The following ALDH1A2 variants were observed in gnomAD, a reference collection of about 807,000 sequenced individuals.
ALDH1A2 encodes aldehyde dehydrogenase 1 family member A2.
Under a neutral mutation model 60.3 loss-of-function variants are expected in ALDH1A2, and 27 were observed. The observed-to-expected ratio is 0.45, with a 90% CI of 0.33 to 0.62. ALDH1A2 has a LOEUF of 0.62. Among genes scored for constraint, ALDH1A2 ranks in the 20% least tolerant of loss-of-function variants. The pLI, the probability that ALDH1A2 is intolerant of heterozygous loss-of-function variation, is 0.02. For synonymous variants in ALDH1A2, 289 were observed against 232.4 expected (o/e 1.24, Z -2.21); for missense variants, 581 against 643.8 (o/e 0.90, Z 1.06).
chr15:58,014,459 T>C (rs1313121047), intron 1 of ALDH1A2, 178 bp from the exon 2 acceptor site: 1 of 667,314 alleles, frequency 1.5e-6, no homozygotes, highest in Admixed American at 2.1e-5. Context: ...TCCTCTATAT[T>C]TTTGCTTTAA....
At chr15:58,031,328 C>G (rs941183222) in intron 1 of ALDH1A2, among the ~76,000 whole-genome samples, 1 of 152,208 alleles carries the variant, frequency 6.6e-6, no homozygotes, top group African/African-American at 2.4e-5. Context: ...AAAGCTGACA[C>G]TGGATCCCTT....
rs184015412 is a variant in ALDH1A2 at position 58,021,634 on chromosome 15, C to A, written c.118-7353G>T. Among the ~76,000 whole-genome samples the A allele has an allele frequency of 3.1e-3, 473 of 152,346 alleles. 2 individuals carry two copies. Among genetic ancestry groups the A allele is most frequent in the South Asian group, 7.7e-3 (37 of 4,830 alleles). On this transcript the variant is annotated intron_variant, in intron 1 of 12. Coordinates refer to ENST00000249750, the MANE Select transcript of ALDH1A2 (RefSeq NM_003888.4). ...CCCCACATCCTTTCTGAGACCTAAG[C>A]AGCTACAGCAAGGCATCATTTCCAA...
intron 12 of ALDH1A2, among the ~76,000 whole-genome samples, chr15:57,958,462 G>T (rs1794595535): frequency 6.6e-6 from 1 of 152,166 alleles, no homozygotes; most frequent in South Asian, 2.1e-4. Context: ...CCTGAGAAAA[G>T]CTCGTCTCTG....
At chr15:58,059,835 T>C (rs367942278) in intron 1 of ALDH1A2, among the ~76,000 whole-genome samples, 12 of 152,128 alleles carry the variant, frequency 7.9e-5, no homozygotes, top group African/African-American at 2.9e-4. Context: ...ACCCAGAATA[T>C]TGAACTCTTA....
At chr15:58,047,717 A>AG (rs1896669752) in intron 1 of ALDH1A2, among the ~76,000 whole-genome samples, 2 of 152,098 alleles carry the variant, frequency 1.3e-5, no homozygotes, top group Non-Finnish European at 2.9e-5. Context: ...TCATTTAGAG[A>AG]GGGGGAAAAA....
At chr15:57,975,492 C>T (rs1270682667) in intron 7 of ALDH1A2, among the ~76,000 whole-genome samples, 1 of 152,146 alleles carries the variant, frequency 6.6e-6, no homozygotes, top group Non-Finnish European at 1.5e-5. Flanking sequence ...CAGTTGAGCA[C>T]CCCGATCTGG....
intron 1 of ALDH1A2, among the ~76,000 whole-genome samples, chr15:58,061,348 C>G (rs4646560): frequency 0.47 from 71,689 of 151,066 alleles, 17,459 homozygotes; most frequent in Non-Finnish European, 0.54. Flanking sequence ...AACAGACAAT[C>G]TTAAGTAAAG....
At chr15:58,023,658 GAAA>G (rs57467358) in intron 1 of ALDH1A2, among the ~76,000 whole-genome samples, 2 of 129,426 alleles carry the variant, frequency 1.5e-5, no homozygotes, top group Non-Finnish European at 3.2e-5. Flanking sequence ...AAAGTGCTGG[GAAA>G]AAAAAAAAAG....
intron 7 of ALDH1A2, among the ~76,000 whole-genome samples, chr15:57,974,249 T>A (rs1360532467): frequency 1.3e-5 from 2 of 151,796 alleles, no homozygotes; most frequent in Non-Finnish European, 2.9e-5. Flanking sequence ...CTGGCTAACA[T>A]GGTGAAACCC....
chr15:57,994,821 T>C (rs1894998676), intron 5 of ALDH1A2, among the ~76,000 whole-genome samples: 1 of 152,144 alleles, frequency 6.6e-6, no homozygotes, highest in African/African-American at 2.4e-5. Context: ...AGGTTATTAA[T>C]ACACTGTGCT....
intron 7 of ALDH1A2, 100 bp downstream of exon 7, chr15:57,992,605 C>A: frequency 1.8e-6 from 2 of 1,103,442 alleles, no homozygotes; most frequent in Non-Finnish European, 2.7e-6. Flanking sequence ...ACTCACTGCC[C>A]TTTTGGTGTC....
intron 4 of ALDH1A2, among the ~76,000 whole-genome samples, chr15:58,001,850 T>C (rs535540290): frequency 4.0e-4 from 61 of 151,988 alleles, no homozygotes; most frequent in Admixed American, 1.1e-3. Context: ...AAAAAAGGAC[T>C]GCATTTGATG....
intron 1 of ALDH1A2, among the ~76,000 whole-genome samples, chr15:58,042,796 C>T (rs1220070090): frequency 6.6e-6 from 1 of 151,824 alleles, no homozygotes; most frequent in Non-Finnish European, 1.5e-5. Context: ...CTGCTAAAGC[C>T]CTTGCAAATG....
intron 4 of ALDH1A2, among the ~76,000 whole-genome samples, chr15:58,005,613 T>C (rs917600410): frequency 1.3e-5 from 2 of 151,982 alleles, no homozygotes; most frequent in Non-Finnish European, 2.9e-5. Context: ...TTCCCATTCT[T>C]TTTGGTTGTT....
At chr15:58,009,537 GC>G (rs1895562329) in intron 4 of ALDH1A2, among the ~76,000 whole-genome samples, 1 of 151,098 alleles carries the variant, frequency 6.6e-6, no homozygotes, top group African/African-American at 2.4e-5. Flanking sequence ...AAAGCAGACT[GC>G]CTTCTGGAGA....
chr15:58,054,874 T>G (rs1409758377), intron 1 of ALDH1A2, among the ~76,000 whole-genome samples: 2 of 152,144 alleles, frequency 1.3e-5, no homozygotes, highest in Non-Finnish European at 2.9e-5. Context: ...TATTCCCAGG[T>G]GATGTATACC....
At chr15:57,999,654 G>A (rs1895191181) in intron 4 of ALDH1A2, among the ~76,000 whole-genome samples, 1 of 151,964 alleles carries the variant, frequency 6.6e-6, no homozygotes, top group Admixed American at 6.6e-5. Flanking sequence ...AGACAGTGTG[G>A]CAATTCCTCA....
At chr15:58,038,631 T>A (rs1048537969) in intron 1 of ALDH1A2, 1 of 151,798 alleles carries the variant, frequency 6.6e-6, no homozygotes, top group Non-Finnish European at 1.5e-5. Flanking sequence ...ACAGCATGTG[T>A]TCCTCTGCTG....
At chr15:58,060,379 C>T (rs556290976) in intron 1 of ALDH1A2, among the ~76,000 whole-genome samples, 1 of 151,906 alleles carries the variant, frequency 6.6e-6, no homozygotes, top group East Asian at 1.9e-4. Context: ...CTTTTAACCC[C>T]ATAAAGTAGA....
Sources: allele counts gnomAD v4.1 joint callset (sites outside exome capture counted in the v4.1 genomes callset), GRCh38; gene constraint gnomAD v4.1.1; transcripts MANE v1.5; gene names NCBI Gene and HGNC (gene_info 2026-07-23, HGNC 2026-07-21).